The following CLDN14 variants were observed in gnomAD, a reference collection of about 807,000 sequenced individuals.
The protein encoded by CLDN14 is claudin 14.
In CLDN14, 2 loss-of-function variants were observed where a neutral mutation model predicts 2.1. That is an observed-to-expected ratio of 0.96 (90% CI 0.39 to 3.01). The LOEUF (loss-of-function observed/expected upper bound fraction) is 3.01. CLDN14 is among the 30% of genes most tolerant of loss of function. The probability of loss-of-function intolerance (pLI) is 0.09; values close to 1 mark genes in which losing one functional copy is unlikely to be tolerated. For synonymous variants in CLDN14, 136 were observed against 154.4 expected, an observed-to-expected ratio of 0.88 and a Z score of 0.88; for missense variants, 298 against 328.0, an observed-to-expected ratio of 0.91 and a Z score of 0.71.
At position 36,461,534 on chromosome 21, in the gene CLDN14, A is replaced by G. The variant is rs746698259; in HGVS notation, c.162T>C (p.Cys54=). The G allele has an allele frequency of 1.2e-6, 2 of 1,613,388 alleles. No homozygotes were observed. The highest frequency in any genetic ancestry group is 1.7e-6 in the Non-Finnish European group (2 of 1,179,972). Residue 54 remains cysteine, a synonymous_variant, in exon 2 of 2, where the codon TGT becomes TGC. Transcript: ENST00000399135. ...VSYLKGLWME[C]VWHSTGIYQC... ...GGTAGATGCCTGTGCTGTGCCACAC[A>G]CACTCCATCCAGAGCCCTTTCAGGT...
chr21:36,488,969 G>A (rs1272314745), intron 2 of CLDN14, among the ~76,000 whole-genome samples: 1 of 151,434 alleles, frequency 6.6e-6, no homozygotes, highest in Non-Finnish European at 1.5e-5. Flanking sequence ...AATTAGCTGG[G>A]TGTGGTGGCA....
intron 1 of CLDN14, among the ~76,000 whole-genome samples, chr21:36,523,775 G>C (rs1170867074): frequency 3.3e-5 from 1 of 30,416 alleles, no homozygotes; most frequent in African/African-American, 9.1e-5. Flanking sequence ...AAGAAAGAGA[G>C]AAAGAGAGAA....
intron 1 of CLDN14, among the ~76,000 whole-genome samples, chr21:36,560,861 T>C (rs1172189955): frequency 2.6e-5 from 4 of 152,220 alleles, no homozygotes; most frequent in Non-Finnish European, 5.9e-5. Flanking sequence ...GTCCCATCCA[T>C]AACACAGTGC....
chr21:36,550,397 T>C (rs2087555140), intron 1 of CLDN14, among the ~76,000 whole-genome samples: 1 of 152,150 alleles, frequency 6.6e-6, no homozygotes. Flanking sequence ...TTTACCTTCA[T>C]TGGTGTGGAA....
intron 1 of CLDN14, among the ~76,000 whole-genome samples, chr21:36,572,178 C>A (rs145626001): frequency 2.8e-4 from 42 of 152,220 alleles, no homozygotes; most frequent in Non-Finnish European, 1.2e-4. Context: ...GCTTTTACTG[C>A]CTGTAGTTTG....
chr21:36,501,410 T>C (rs2146477155), intron 2 of CLDN14, among the ~76,000 whole-genome samples: 1 of 138,030 alleles, frequency 7.2e-6, no homozygotes, highest in Non-Finnish European at 1.5e-5. Flanking sequence ...GTGTGAGTTG[T>C]AGAAACCAGG....
intron 1 of CLDN14, among the ~76,000 whole-genome samples, chr21:36,541,961 T>G (rs1163016918): frequency 6.6e-6 from 1 of 152,134 alleles, no homozygotes; most frequent in Non-Finnish European, 1.5e-5. Flanking sequence ...GGCTGTAGAC[T>G]TTCTTTTACT....
chr21:36,562,792 A>C (rs2087645060), intron 1 of CLDN14, among the ~76,000 whole-genome samples: 1 of 151,816 alleles, frequency 6.6e-6, no homozygotes, highest in Admixed American at 6.6e-5. Context: ...GCTGGTTCTC[A>C]GCACAGTCAA....
chr21:36,471,075 T>C (rs2146432259), intron 1 of CLDN14, among the ~76,000 whole-genome samples: 1 of 152,252 alleles, frequency 6.6e-6, no homozygotes, highest in Middle Eastern at 3.4e-3. Context: ...ACATTTGTCA[T>C]TGATAAAAAC....
chr21:36,524,090 G>T (rs1008852500), intron 1 of CLDN14, among the ~76,000 whole-genome samples: 1 of 150,988 alleles, frequency 6.6e-6, no homozygotes, highest in Non-Finnish European at 1.5e-5. Context: ...AGTGTGAGCT[G>T]CAGGGAAAAT....
chr21:36,560,300 T>C (rs977270350), intron 1 of CLDN14, among the ~76,000 whole-genome samples: 5 of 152,090 alleles, frequency 3.3e-5, no homozygotes, highest in Non-Finnish European at 1.5e-5. Flanking sequence ...AATATCTATA[T>C]TTTTAGATGA....
intron 2 of CLDN14, among the ~76,000 whole-genome samples, chr21:36,488,947 G>A (rs923680956): frequency 6.6e-6 from 1 of 150,812 alleles, no homozygotes; most frequent in Non-Finnish European, 1.5e-5. Context: ...TGGCCAACAC[G>A]GTGAATACAA....
intron 2 of CLDN14, among the ~76,000 whole-genome samples, chr21:36,491,264 T>A (rs1378999870): frequency 1.3e-5 from 2 of 152,152 alleles, no homozygotes; most frequent in African/African-American, 2.4e-5. Flanking sequence ...TTCCTAAGGT[T>A]TGTGCCCTAA....
chr21:36,519,765 A>G (rs1267503089), intron 1 of CLDN14, among the ~76,000 whole-genome samples: 1 of 151,964 alleles, frequency 6.6e-6, no homozygotes, highest in East Asian at 1.9e-4. Flanking sequence ...CCCACAACCT[A>G]TTGTCCAGTC....
intron 1 of CLDN14, among the ~76,000 whole-genome samples, chr21:36,570,000 C>T (rs1036329241): frequency 2.0e-5 from 3 of 152,164 alleles, no homozygotes; most frequent in East Asian, 1.9e-4. Flanking sequence ...GTGCCCACGG[C>T]GGTCAGGGTA....
chr21:36,472,946 G>A (rs1168953814), intron 1 of CLDN14, among the ~76,000 whole-genome samples: 1 of 152,174 alleles, frequency 6.6e-6, no homozygotes, highest in Admixed American at 6.5e-5. Context: ...TTGGGAGAAT[G>A]CAAATGTTTA....
intron 1 of CLDN14, among the ~76,000 whole-genome samples, chr21:36,537,406 T>A (rs11702057): frequency 0.23 from 34,814 of 152,150 alleles, 4,133 homozygotes; most frequent in Non-Finnish European, 0.24. Flanking sequence ...TCCTGCTTTA[T>A]TTTTTATTTT....
In CLDN14 at chr21:36,554,420, G is replaced by A. The variant is rs80062463; in HGVS notation, c.-220+21991C>T. On this transcript the variant is annotated intron_variant, in intron 1 of 2. Transcript: ENST00000342108. ...CACAACACAGGGTTACAGGTGCCCC[G>A]TGAGGAAAGCAGAGGCAGGTGCGTA... 6.6e-5 allele frequency among the ~76,000 whole-genome samples: 10 copies of A among 152,170 alleles called. No homozygotes were observed. The South Asian group carries it at 8.3e-4, about 13-fold the overall frequency.
chr21:36,476,178 C>G (rs965271261), intron 1 of CLDN14, among the ~76,000 whole-genome samples: 1 of 152,172 alleles, frequency 6.6e-6, no homozygotes, highest in Non-Finnish European at 1.5e-5. Context: ...CTCCCACTCC[C>G]TTCGCTTGAA....
Sources: gnomAD v4.1 joint callset for allele counts (sites outside exome capture counted in the v4.1 genomes callset) on GRCh38, gnomAD v4.1.1 for gene constraint, MANE v1.5 for transcripts, NCBI Gene and HGNC (gene_info 2026-07-23, HGNC 2026-07-21) for gene names.